AP2A2: variants seen among roughly 807,000 people sequenced by gnomAD.
AP2A2 encodes the protein adaptor related protein complex 2 subunit alpha 2.
A neutral mutation model predicts 104.2 loss-of-function variants in AP2A2; 32 were observed. The ratio of observed to expected loss-of-function variants is 0.31; its 90% CI spans 0.23 to 0.41. AP2A2 has a LOEUF of 0.41. Among genes scored for constraint, AP2A2 ranks in the 10% least tolerant of loss-of-function variants. The probability of loss-of-function intolerance (pLI) is 1.00; values close to 1 mark genes in which losing one functional copy is unlikely to be tolerated. For synonymous variants in AP2A2, 539 were observed against 533.3 expected (o/e 1.01, Z -0.15); for missense variants, 912 against 1,261.0 (o/e 0.72, Z 4.19).
chr11:1,007,651 A>G (rs1224398087), intron 17 of AP2A2: 7 of 312,152 alleles, frequency 2.2e-5, no homozygotes, highest in Non-Finnish European at 3.6e-5. Context: ...GGAGCCTGCT[A>G]TTCCTGGGAT....
At chr11:995,207 AT>A (rs1855811644) in intron 14 of AP2A2, among the ~76,000 whole-genome samples, 1 of 152,112 alleles carries the variant, frequency 6.6e-6, no homozygotes, top group Non-Finnish European at 1.5e-5. Context: ...TGCTTTGTTG[AT>A]TTAGAGAGGA....
In AP2A2 at chr11:992,021, G is replaced by A. The variant is rs1192527041; in HGVS notation, c.1270-482G>A. On this transcript the variant is annotated intron_variant, in intron 10 of 21. Transcript: ENST00000448903. The surrounding 1 kb of genome is among the most constrained non-coding windows in gnomAD (Gnocchi z 6.4). The stretch of plus-strand genomic sequence containing the variant: ...AGTGAGCCAGAGAGGGGAAGAAGGG[G>A]AACCCCCAGGTGAGGCTCGCAGGAA... Among the ~76,000 whole-genome samples, 1 of 152,266 alleles carries A rather than the reference G, an allele frequency of 6.6e-6. No homozygotes were observed. Among genetic ancestry groups the A allele is most frequent in the East Asian group, 1.9e-4 (1 of 5,174 alleles).
chr11:962,050 A>G (rs1854460144), intron 2 of AP2A2, among the ~76,000 whole-genome samples: 1 of 152,274 alleles, frequency 6.6e-6, no homozygotes, highest in Admixed American at 6.5e-5. Context: ...CCACCTGCCC[A>G]TCAGGGAGCT....
At chr11:987,751 A>G (rs1281884400) in intron 9 of AP2A2, among the ~76,000 whole-genome samples, 2 of 152,174 alleles carry the variant, frequency 1.3e-5, no homozygotes, top group Admixed American at 6.5e-5. Context: ...GGTTCGTTCC[A>G]CATAGGGGAC....
At chr11:958,338 C>T (rs2134557591) in intron 1 of AP2A2, among the ~76,000 whole-genome samples, 2 of 152,306 alleles carry the variant, frequency 1.3e-5, no homozygotes, top group Middle Eastern at 6.8e-3. Context: ...TTTCAGCCGC[C>T]CCGTCTGGGG....
intron 15 of AP2A2, among the ~76,000 whole-genome samples, chr11:1,003,202 C>T (rs1856082037): frequency 6.6e-6 from 1 of 152,266 alleles, no homozygotes; most frequent in Non-Finnish European, 1.5e-5. Context: ...ACTAACCACG[C>T]ATGGGGCGAG....
At chr11:939,951 CTTTTTTT>C (rs145184268) in intron 1 of AP2A2, among the ~76,000 whole-genome samples, 1 of 106,056 alleles carries the variant, frequency 9.4e-6, no homozygotes, top group Non-Finnish European at 1.9e-5. Flanking sequence ...GTTTTGCTTA[CTTTTTTT>C]TTTTTTTTTT....
At chr11:1,007,543 G>A (rs1036245442) in intron 17 of AP2A2, 4 of 184,674 alleles carry the variant, frequency 2.2e-5, no homozygotes, top group African/African-American at 9.6e-5. Context: ...TGCTGTCACT[G>A]TTTCTTCAGG....
chr11:1,008,357 C>G (rs1856281734), intron 18 of AP2A2: 1 of 598,532 alleles, frequency 1.7e-6, no homozygotes, highest in Non-Finnish European at 2.7e-6. Context: ...GGTGGCAGCT[C>G]CCACATGGGG....
intron 14 of AP2A2, among the ~76,000 whole-genome samples, chr11:998,192 C>G (rs1224439353): frequency 1.3e-5 from 2 of 152,344 alleles, no homozygotes; most frequent in East Asian, 3.9e-4. Flanking sequence ...CTGCCAGCTC[C>G]TCTGTGACCT....
rs770443312 is a variant in AP2A2 at position 1,000,474 on chromosome 11, GC to G, written c.2006del (p.Pro669LeufsTer67). On this transcript the variant is annotated frameshift_variant, in exon 15 of 22. Coordinates refer to ENST00000448903, the MANE Select transcript of AP2A2 (RefSeq NM_012305.4). LOFTEE classifies it high-confidence loss of function. ...PSADLLGLGA[A>X]PPAPAGPPPS... ...GGCAGACCTGCTGGGTCTCGGGGCT[GC>G]CCCCCCTGCCCCCGCGGGCCCCCCA... 5.8e-6 allele frequency: 9 copies of G among 1,539,882 alleles called. No homozygotes were observed. Among genetic ancestry groups the G allele is most frequent in the Non-Finnish European group, 2.6e-6 (3 of 1,146,900 alleles).
chr11:963,703 G>A (rs1589971561), intron 2 of AP2A2, among the ~76,000 whole-genome samples: 1 of 152,328 alleles, frequency 6.6e-6, no homozygotes, highest in Non-Finnish European at 1.5e-5. Flanking sequence ...GCTCACCGCA[G>A]CCTCAACCCC....
At chr11:939,696 C>T (rs11605412) in intron 1 of AP2A2, among the ~76,000 whole-genome samples, 14,759 of 152,016 alleles carry the variant, frequency 0.097, 748 homozygotes, top group African/African-American at 0.12. Context: ...CTGCCCTCCT[C>T]GGCCTCCCAA....
intron 6 of AP2A2, among the ~76,000 whole-genome samples, chr11:982,361 T>A (rs1855276236): frequency 1.3e-5 from 2 of 152,220 alleles, no homozygotes; most frequent in African/African-American, 4.8e-5. Flanking sequence ...TCTTTGAGAT[T>A]TAAATCTACA....
At chr11:989,594 G>C (rs918619089) in intron 10 of AP2A2, among the ~76,000 whole-genome samples, 1 of 152,196 alleles carries the variant, frequency 6.6e-6, no homozygotes, top group Non-Finnish European at 1.5e-5. Context: ...TTAATGTCCC[G>C]TGTTGTTTTT....
chr11:987,001 T>TG, intron 9 of AP2A2, 48 bp downstream of exon 9: 1 of 1,533,646 alleles, frequency 6.5e-7, no homozygotes, highest in East Asian at 2.5e-5. Flanking sequence ...GCAGGTGCCG[T>TG]GGGTCTTCCT....
chr11:1,008,079 C>T lies in AP2A2; in HGVS notation c.2364C>T (p.Val788=), dbSNP rs771039708. ...GGGGCGCGCAGGTGCAGCAGGTGGT[C>T]AACATAGAGTGCGTGTCCGACTTCA... ...VEGGAQVQQV[V]NIECVSDFTE... The change falls in exon 18 of 22, where the codon GTC becomes GTT. Residue 788 remains valine (V), a synonymous_variant. Transcript: ENST00000448903. The T allele has an allele frequency of 1.2e-5, 19 of 1,601,578 alleles. No homozygotes were observed. Among genetic ancestry groups the T allele is most frequent in the Non-Finnish European group, 1.6e-5 (19 of 1,174,932 alleles).
At chr11:973,729 C>T (rs1854914250) in intron 4 of AP2A2, among the ~76,000 whole-genome samples, 1 of 152,194 alleles carries the variant, frequency 6.6e-6, no homozygotes, top group Non-Finnish European at 1.5e-5. Flanking sequence ...CCAGCAGGTC[C>T]AGTGGATTCT....
intron 21 of AP2A2, 48 bp downstream of exon 21, chr11:1,009,865 C>A: frequency 2.0e-6 from 3 of 1,521,852 alleles, no homozygotes; most frequent in Non-Finnish European, 2.7e-6. Flanking sequence ...GCTTTTTATT[C>A]TGGCACAATG....
Sources: gnomAD v4.1 joint callset for allele counts (sites outside exome capture counted in the v4.1 genomes callset) on GRCh38, gnomAD v4.1.1 for gene constraint, Gnocchi (gnomAD v3.1) non-coding constraint, MANE v1.5 for transcripts, NCBI Gene and HGNC (gene_info 2026-07-23, HGNC 2026-07-21) for gene names.